Variants in BCL2 observed in about 807,000 individuals in gnomAD.
BCL2 encodes BCL2 apoptosis regulator.
A neutral mutation model predicts 14.2 loss-of-function variants in BCL2; 1 was observed. The ratio of observed to expected loss-of-function variants is 0.07; its 90% CI spans 0.02 to 0.33. The LOEUF is 0.33. BCL2 is among the 10% of genes least tolerant of loss of function. The pLI is 0.99. For synonymous variants in BCL2, 151 were observed against 137.2 expected, an observed-to-expected ratio of 1.10 and a Z score of -0.70; for missense variants, 247 against 305.9, an observed-to-expected ratio of 0.81 and a Z score of 1.44.
At chr18:63,130,626 C>T (rs1326020911) in intron 2 of BCL2, among the ~76,000 whole-genome samples, 2 of 152,162 alleles carry the variant, frequency 1.3e-5, no homozygotes, top group African/African-American at 4.8e-5. Flanking sequence ...GTTAGGGTAA[C>T]TTTCCACATT....
chr18:63,156,087 C>A (rs1020040091), intron 2 of BCL2, among the ~76,000 whole-genome samples: 252 of 64,148 alleles, frequency 3.9e-3, no homozygotes, highest in Middle Eastern at 0.016. Context: ...GCTGAGAAGC[C>A]AAAAAAAAAA....
chr18:63,225,257 C>T (rs986091959), intron 2 of BCL2, among the ~76,000 whole-genome samples: 1 of 151,898 alleles, frequency 6.6e-6, no homozygotes, highest in Non-Finnish European at 1.5e-5. Context: ...GCTGATTTAC[C>T]CCCAAATTGT....
intron 2 of BCL2, among the ~76,000 whole-genome samples, chr18:63,145,356 G>C (rs146328229): frequency 2.5e-5 from 3 of 118,896 alleles, no homozygotes; most frequent in African/African-American, 8.6e-5. Context: ...GATACAGGGG[G>C]CTTCCCTGGC....
chr18:63,261,385 ACGATGCTT>A (rs141732395), intron 2 of BCL2, among the ~76,000 whole-genome samples: 5,748 of 152,254 alleles, frequency 0.038, 166 homozygotes, highest in South Asian at 0.081. Flanking sequence ...GAAGACCAGC[ACGATGCTT>A]GATCCATAGG....
intron 2 of BCL2, among the ~76,000 whole-genome samples, chr18:63,190,643 C>G (rs949745326): frequency 4.6e-5 from 7 of 152,244 alleles, no homozygotes; most frequent in Non-Finnish European, 1.0e-4. Flanking sequence ...GTTCTCAACC[C>G]TAGAAACCAT....
At chr18:63,218,751 C>CACTCATCCCCCTCCTCT (rs1910292610) in intron 2 of BCL2, among the ~76,000 whole-genome samples, 5 of 33,812 alleles carry the variant, frequency 1.5e-4, no homozygotes, top group East Asian at 6.7e-4. Flanking sequence ...CTCCATCCTC[C>CACTCATCCCCCTCCTCT]ACTCATCCCC....
rs1913869743 is a variant in BCL2, at chr18:63,124,861, T to G, written c.*3764A>C. 4.4e-6 allele frequency: 1 copy of G among 227,468 alleles called. No individual in the cohort carries two copies. Among genetic ancestry groups the G allele is most frequent in the African/African-American group, 2.2e-5 (1 of 45,016 alleles). 14.1% of individuals were successfully genotyped at this position (227,468 alleles called of 1,614,324 possible). A position where few individuals can be genotyped will look rare whatever the true frequency, so the allele number is the denominator to read the frequency against. On this transcript the variant is annotated 3_prime_UTR_variant, in exon 3 of 3. Coordinates refer to ENST00000333681, the MANE Select transcript of BCL2 (RefSeq NM_000633.3). The stretch of plus-strand genomic sequence containing the variant: ...ATTTCGAGCCTTTCCTGTTTTTCTC[T>G]GATAGAGTAGGTGTACATTACTAAC...
At chr18:63,249,030 A>G (rs146125882) in intron 2 of BCL2, among the ~76,000 whole-genome samples, 112 of 152,314 alleles carry the variant, frequency 7.4e-4, no homozygotes, top group African/African-American at 2.6e-3. Context: ...CTATGACTAC[A>G]TTCCCCAATT....
chr18:63,251,723 A>ATTTT (rs1911324456), intron 2 of BCL2, among the ~76,000 whole-genome samples: 1 of 146,600 alleles, frequency 6.8e-6, no homozygotes. Context: ...TTTTTGACGT[A>ATTTT]GTTTCTCTCT....
intron 2 of BCL2, among the ~76,000 whole-genome samples, chr18:63,193,737 G>T (rs1164256389): frequency 1.3e-5 from 2 of 151,406 alleles, no homozygotes; most frequent in Admixed American, 6.6e-5. Flanking sequence ...ATTATTAGTG[G>T]ACAAAAATGT....
At chr18:63,287,179 T>A (rs2144263010) in intron 2 of BCL2, among the ~76,000 whole-genome samples, 1 of 152,302 alleles carries the variant, frequency 6.6e-6, no homozygotes, top group East Asian at 1.9e-4. Flanking sequence ...GATCTGCCCA[T>A]CAGTTGCCCC....
At chr18:63,271,930 C>T (rs1242612162) in intron 2 of BCL2, among the ~76,000 whole-genome samples, 2 of 152,190 alleles carry the variant, frequency 1.3e-5, no homozygotes, top group Non-Finnish European at 2.9e-5. Flanking sequence ...CGTGCAGGTA[C>T]GTAAGAAGTT....
chr18:63,262,973 T>C (rs1032169674), intron 2 of BCL2, among the ~76,000 whole-genome samples: 17 of 152,320 alleles, frequency 1.1e-4, no homozygotes, highest in South Asian at 4.1e-4. Context: ...ACATTTTGTT[T>C]CCAAAACACT....
chr18:63,288,547 C>T (rs1403378114), intron 2 of BCL2, among the ~76,000 whole-genome samples: 1 of 152,160 alleles, frequency 6.6e-6, no homozygotes, highest in Non-Finnish European at 1.5e-5. Context: ...TAGGCACAGC[C>T]TAGTGAAAGT....
chr18:63,272,222 C>G (rs1429466602), intron 2 of BCL2, among the ~76,000 whole-genome samples: 4 of 152,154 alleles, frequency 2.6e-5, no homozygotes, highest in Non-Finnish European at 5.9e-5. Flanking sequence ...GATGCCCTCC[C>G]AAGAGTTGTG....
At chr18:63,282,513 T>C (rs1912346872) in intron 2 of BCL2, among the ~76,000 whole-genome samples, 1 of 152,190 alleles carries the variant, frequency 6.6e-6, no homozygotes, top group African/African-American at 2.4e-5. Context: ...TTGTCTTTTT[T>C]CCCTCCTAAA....
chr18:63,308,228 G>A (rs1014536771), intron 2 of BCL2, among the ~76,000 whole-genome samples: 1 of 152,220 alleles, frequency 6.6e-6, no homozygotes, highest in African/African-American at 2.4e-5. Context: ...ATGCCGCACT[G>A]TACTGACTTC....
At chr18:63,129,297 T>TC (rs1913999836) in intron 2 of BCL2, among the ~76,000 whole-genome samples, 1 of 151,382 alleles carries the variant, frequency 6.6e-6, no homozygotes, top group Non-Finnish European at 1.5e-5. Flanking sequence ...TCTTTCTTTT[T>TC]TTTTTTTTAG....
intron 2 of BCL2, among the ~76,000 whole-genome samples, chr18:63,312,437 T>G (rs1913357427): frequency 6.6e-6 from 1 of 152,214 alleles, no homozygotes; most frequent in East Asian, 1.9e-4. Flanking sequence ...TATACAGAAT[T>G]GGGCATATAT....
Sources: allele counts gnomAD v4.1 joint callset (sites outside exome capture counted in the v4.1 genomes callset), GRCh38; gene constraint gnomAD v4.1.1; transcripts MANE v1.5; gene names NCBI Gene and HGNC (gene_info 2026-07-23, HGNC 2026-07-21).